Variants in BDNF observed in about 807,000 individuals in gnomAD.
BDNF encodes the protein neurotrophic factor BDNF precursor form.
BDNF carries 1 observed loss-of-function variant against 19.5 expected under a neutral mutation model. The observed-to-expected ratio is 0.05, with a 90% CI of 0.02 to 0.24. The LOEUF is 0.24. Among genes scored for constraint, BDNF ranks in the 10% least tolerant of loss-of-function variants. The pLI, the probability that BDNF is intolerant of heterozygous loss-of-function variation, is 1.00. For synonymous variants in BDNF, 100 were observed against 121.6 expected, an observed-to-expected ratio of 0.82 and a Z score of 1.17; for missense variants, 195 against 317.6, an observed-to-expected ratio of 0.61 and a Z score of 2.93.
At chr11:27,712,663 A>G (rs1417523684) in intron 1 of BDNF, among the ~76,000 whole-genome samples, 1 of 151,730 alleles carries the variant, frequency 6.6e-6, no homozygotes, top group South Asian at 2.1e-4. Flanking sequence ...TTAAAGGTAC[A>G]TGCCACCACG....
chr11:27,721,807 T>G (rs989513662), exon 1 of BDNF: 11 of 263,242 alleles, frequency 4.2e-5, no homozygotes, highest in Non-Finnish European at 7.3e-5. Flanking sequence ...CGCCCGTTAC[T>G]GGGTCCTGGC....
intron 1 of BDNF, among the ~76,000 whole-genome samples, chr11:27,685,534 T>G (rs973007755): frequency 1.3e-5 from 2 of 152,206 alleles, no homozygotes; most frequent in Non-Finnish European, 2.9e-5. Flanking sequence ...CTGTGGGCAT[T>G]TATTGCTATG....
intron 1 of BDNF, among the ~76,000 whole-genome samples, chr11:27,714,241 T>C (rs111250151): frequency 6.6e-6 from 1 of 152,174 alleles, no homozygotes; most frequent in Non-Finnish European, 1.5e-5. Context: ...ATCTATAGCA[T>C]TTCCTGGATG....
chr11:27,700,869 C>G (rs928735883), upstream of BDNF: 38 of 1,278,226 alleles, frequency 3.0e-5, no homozygotes, highest in Admixed American at 8.4e-4. Flanking sequence ...AATCGCACGC[C>G]CCGAGGTCTC....
chr11:27,702,650 A>G (rs1455487971), upstream of BDNF, among the ~76,000 whole-genome samples: 2 of 152,226 alleles, frequency 1.3e-5, no homozygotes, highest in Admixed American at 1.3e-4. Flanking sequence ...GTTGAACTGA[A>G]TATATAATAT....
At chr11:27,701,217 TGACA>T (rs1859878843), upstream of BDNF, 1 of 1,190,852 alleles carries the variant, frequency 8.4e-7, no homozygotes, top group Non-Finnish European at 1.1e-6. Context: ...GCCCAGGCAA[TGACA>T]GACCTCGCTA....
chr11:27,708,454 G>A (rs147423762), intron 1 of BDNF, among the ~76,000 whole-genome samples: 3 of 152,130 alleles, frequency 2.0e-5, no homozygotes, highest in Non-Finnish European at 4.4e-5. Context: ...GTATGTACAA[G>A]TTTGACATAT....
intron 1 of BDNF, chr11:27,719,505 T>A: frequency 1.0e-6 from 1 of 985,412 alleles, no homozygotes; most frequent in Non-Finnish European, 1.2e-6. Flanking sequence ...CCCGACTGAC[T>A]CGGACCTGGG....
chr11:27,699,865 A>AT (rs1859694552), intron 1 of BDNF, among the ~76,000 whole-genome samples: 2 of 152,044 alleles, frequency 1.3e-5, no homozygotes, highest in Admixed American at 1.3e-4. Context: ...GCTGCGAGGG[A>AT]TCCCCGGGTC....
intron 1 of BDNF, among the ~76,000 whole-genome samples, chr11:27,699,152 TC>T (rs757370642): frequency 2.7e-5 from 4 of 150,916 alleles, no homozygotes; most frequent in Non-Finnish European, 5.9e-5. Context: ...CCCTCTACCT[TC>T]CCTAGCTTCG....
chr11:27,717,320 A>G (rs1323376795), intron 1 of BDNF, among the ~76,000 whole-genome samples: 1 of 152,248 alleles, frequency 6.6e-6, no homozygotes, highest in Admixed American at 6.5e-5. Context: ...TAAAATAACT[A>G]GTACTCTGGT....
At position 27,656,525 on chromosome 11, in the gene BDNF, C is replaced by A. The variant is rs1263302491; in HGVS notation, c.*1296G>T. 1 of 984,842 alleles carries A rather than the reference C, an allele frequency of 1.0e-6. No individual in the cohort carries two copies. Among genetic ancestry groups the A allele is most frequent in the Non-Finnish European group, 1.2e-6 (1 of 829,160 alleles). 61.0% of individuals were successfully genotyped at this position (984,842 alleles called of 1,614,324 possible). A position where few individuals can be genotyped will look rare whatever the true frequency, so the allele number is the denominator to read the frequency against. On this transcript the variant is annotated 3_prime_UTR_variant, in exon 2 of 2. Coordinates refer to ENST00000356660, the MANE Select transcript of BDNF (RefSeq NM_001709.5). ...CTCAAATACCATGCCCCACCTCCAC[C>A]TAGACCTTGGGATGGCCACTCAGAA...
chr11:27,673,468 C>T (rs913843727), intron 1 of BDNF, among the ~76,000 whole-genome samples: 4 of 152,178 alleles, frequency 2.6e-5, no homozygotes, highest in Non-Finnish European at 5.9e-5. Context: ...CAGTCTCTTT[C>T]TTCAGAATTG....
At chr11:27,670,868 A>T (rs1855241876) in intron 1 of BDNF, among the ~76,000 whole-genome samples, 1 of 152,240 alleles carries the variant, frequency 6.6e-6, no homozygotes, top group Non-Finnish European at 1.5e-5. Context: ...TAGGATCTAG[A>T]ACTAGAAATA....
At chr11:27,702,784 G>A (rs925931557), upstream of BDNF, among the ~76,000 whole-genome samples, 6 of 152,098 alleles carry the variant, frequency 3.9e-5, no homozygotes, top group Non-Finnish European at 8.8e-5. Context: ...TATAAAAGAA[G>A]AATCCGATCC....
rs1194621819 is a variant in BDNF, at chr11:27,656,501, T to A, written c.*1320A>T. The A allele has an allele frequency of 1.0e-6, 1 of 976,254 alleles. No homozygotes were observed. The highest frequency in any genetic ancestry group is 1.2e-6 in the Non-Finnish European group (1 of 821,470). The allele number at this position is 976,254 out of a possible 1,614,324, so 60.5% of individuals were successfully genotyped here. On this transcript the variant is annotated 3_prime_UTR_variant, in exon 2 of 2. Coordinates refer to ENST00000356660, the MANE Select transcript of BDNF (RefSeq NM_001709.5). ...TCAGAGGCCTTCGTTTTGGAATGTC[T>A]CAAATACCATGCCCCACCTCCACCT... is the stretch of plus-strand genomic sequence containing the variant.
intron 1 of BDNF, among the ~76,000 whole-genome samples, chr11:27,708,667 A>T (rs1471830160): frequency 6.6e-6 from 1 of 152,118 alleles, no homozygotes; most frequent in Non-Finnish European, 1.5e-5. Context: ...AAGCAGAATT[A>T]TATGTATGGA....
At chr11:27,701,714 G>T, upstream of BDNF, 1 of 651,330 alleles carries the variant, frequency 1.5e-6, no homozygotes, top group Non-Finnish European at 1.9e-6. Flanking sequence ...AGACACTCTA[G>T]TGCACGAATT....
chr11:27,667,785 C>G (rs906004314), intron 1 of BDNF, among the ~76,000 whole-genome samples: 1 of 152,212 alleles, frequency 6.6e-6, no homozygotes, highest in African/African-American at 2.4e-5. Flanking sequence ...TAGAGACCTA[C>G]AAAGAGACTT....
Sources: gnomAD v4.1 joint callset for allele counts (sites outside exome capture counted in the v4.1 genomes callset) on GRCh38, gnomAD v4.1.1 for gene constraint, MANE v1.5 for transcripts, NCBI Gene and HGNC (gene_info 2026-07-23, HGNC 2026-07-21) for gene names.